The following NBPF20 variants were observed in gnomAD, a reference collection of about 807,000 sequenced individuals.
NBPF20 encodes NBPF member 20, also known as NBPF family member NBPF20.
In NBPF20, 90 loss-of-function variants were observed where a neutral mutation model predicts 68.1. That is an observed-to-expected ratio of 1.32 (90% CI 1.11 to 1.58). NBPF20 has a LOEUF of 1.58. NBPF20 is among the 40% of genes most tolerant of loss of function. The probability of loss-of-function intolerance (pLI) is 0.00; values close to 1 mark genes in which losing one functional copy is unlikely to be tolerated. For synonymous variants in NBPF20, 290 were observed against 228.1 expected (o/e 1.27, Z -2.45); for missense variants, 816 against 601.2 (o/e 1.36, Z -3.74).
chr1:145,400,443 G>C, exon 6 of NBPF20: 1 of 1,613,174 alleles, frequency 6.2e-7, no homozygotes, highest in Non-Finnish European at 8.5e-7. Context: ...GAGCCAATCA[G>C]AGTTGAGTCG....
intron 3 of NBPF20, 75 bp from the exon 9 acceptor site, chr1:145,402,456 C>A (rs1662568126): frequency 3.2e-6 from 5 of 1,547,274 alleles, no homozygotes; most frequent in Non-Finnish European, 4.5e-6. Flanking sequence ...ACAGAGATTT[C>A]TGAGATAATG....
rs1297004634 is a variant in NBPF20, at chr1:145,400,668, G to A, written c.567-74C>T. 5.8e-6 allele frequency: 9 copies of A among 1,545,290 alleles called. No individual in the cohort carries two copies. The African/African-American group carries it at 1.2e-4, about 21-fold the overall frequency. On this transcript the variant is annotated intron_variant, in intron 5 of 137. Transcript: ENST00000369373. Reference sequence around the variant, plus strand: ...ATTGGACCCCAGGGAGTCCTAGCTGGTTTTGACAGGCGGCATTAAGAGAGT... The same window carrying A: ...ATTGGACCCCAGGGAGTCCTAGCTGATTTTGACAGGCGGCATTAAGAGAGT...
chr1:145,393,963 T>C, intron 8 of NBPF20, 28 bp from the exon 14 acceptor site: 2 of 1,171,222 alleles, frequency 1.7e-6, no homozygotes, highest in Non-Finnish European at 2.5e-6. Flanking sequence ...TGGGCCCTCT[T>C]ACATTAAGCA....
rs1302412073 is a variant in NBPF20 at position 145,309,445 on chromosome 1, GACACAC to G, written c.13938-203_13938-198del. Among the ~76,000 whole-genome samples the G allele has an allele frequency of 8.8e-4, 39 of 44,396 alleles. 4 individuals are homozygous for G. The highest frequency in any genetic ancestry group is 2.1e-3 in the South Asian group (3 of 1,410). 29.1% of individuals were successfully genotyped at this position (44,396 alleles called of 152,430 possible). A position where few individuals can be genotyped will look rare whatever the true frequency, so the allele number is the denominator to read the frequency against. ...AAAGAATGAAAGAGAAAGACAGATA[GACACAC>G]ACACACACACACACACACACACACA... On this transcript the variant is annotated intron_variant, in intron 115 of 137. Coordinates refer to ENST00000369373, the Ensembl canonical transcript of NBPF20.
At chr1:145,405,389 T>C in intron 1 of NBPF20, 21 bp downstream of exon 6, 1 of 1,526,808 alleles carries the variant, frequency 6.5e-7, no homozygotes, top group East Asian at 2.3e-5. Context: ...GGGATGTCAG[T>C]AACTGAAATT....
intron 136 of NBPF20, 32 bp from the exon 142 acceptor site, chr1:145,292,521 T>A: frequency 1.4e-6 from 1 of 691,794 alleles, no homozygotes; most frequent in Non-Finnish European, 2.5e-6. Context: ...ACAGACACAT[T>A]AAGCTGATTC....
At chr1:145,306,418 A>T (rs1661413797) in intron 119 of NBPF20, among the ~76,000 whole-genome samples, 1 of 127,852 alleles carries the variant, frequency 7.8e-6, no homozygotes, top group African/African-American at 2.9e-5. Context: ...GCATACAGGG[A>T]TCATGAAAAG....
upstream of NBPF20, among the ~76,000 whole-genome samples, chr1:145,409,801 AT>A (rs1468843609): frequency 1.4e-4 from 21 of 151,964 alleles, no homozygotes; most frequent in African/African-American, 5.1e-4. Context: ...ATTTAGATGA[AT>A]GCACACTTCC....
At chr1:145,422,852 G>C in the NBPF20 span, among the ~76,000 whole-genome samples, 1 of 151,164 alleles carries the variant, frequency 6.6e-6, no homozygotes, top group Non-Finnish European at 1.5e-5. Flanking sequence ...AGCCAGGCAT[G>C]GTGGCACACT....
intron 6 of NBPF20, among the ~76,000 whole-genome samples, chr1:145,399,773 T>TCA (rs1662426207): frequency 1.3e-5 from 1 of 78,254 alleles, no homozygotes; most frequent in East Asian, 4.1e-4. Flanking sequence ...CAAGACTCCA[T>TCA]CACAAAAAAA....
At chr1:145,405,112 T>C (rs868990014) in exon 2 of NBPF20, 77 of 1,613,454 alleles carry the variant, frequency 4.8e-5, no homozygotes, top group East Asian at 1.6e-4. Flanking sequence ...TTTCTTCTGC[T>C]GGTTGGCCAG....
At chr1:145,393,852 C>T in intron 9 of NBPF20, 32 bp downstream of exon 14, 3 of 1,517,668 alleles carry the variant, frequency 2.0e-6, no homozygotes, top group Non-Finnish European at 2.7e-6. Context: ...GTGTCAACAT[C>T]AAATTAACTC....
intron 137 of NBPF20, among the ~76,000 whole-genome samples, 191 bp from the exon 143 acceptor site, chr1:145,291,960 AAGAC>A (rs1409964428): frequency 3.3e-5 from 5 of 150,862 alleles, no homozygotes; most frequent in Non-Finnish European, 5.9e-5. Context: ...ATGAAAGAGA[AAGAC>A]AGAGAGAGAG....
chr1:145,292,712 T>A (rs1400648310), intron 136 of NBPF20, among the ~76,000 whole-genome samples: 1 of 142,502 alleles, frequency 7.0e-6, no homozygotes, highest in Non-Finnish European at 1.5e-5. Context: ...TAGATCGTTA[T>A]CCCAATATCA....
chr1:145,298,381 C>A (rs1407717693), intron 129 of NBPF20, among the ~76,000 whole-genome samples: 1 of 144,116 alleles, frequency 6.9e-6, no homozygotes, highest in Non-Finnish European at 1.5e-5. Flanking sequence ...GACACACACA[C>A]ACACACAGAG....
intron 8 of NBPF20, 23 bp from the exon 14 acceptor site, chr1:145,393,958 C>T: frequency 2.4e-6 from 3 of 1,228,406 alleles, no homozygotes; most frequent in Non-Finnish European, 3.6e-6. Context: ...TCAGATGGGC[C>T]CTCTTACATT....
At chr1:145,290,604 AG>A in exon 138 of NBPF20, 1 of 150,742 alleles carries the variant, frequency 6.6e-6, no homozygotes, top group Non-Finnish European at 1.5e-5. Context: ...AAATAACTAA[AG>A]AAATGCAGCT....
chr1:145,405,009 G>A (rs1235360710), intron 2 of NBPF20, 89 bp downstream of exon 7: 4 of 1,577,558 alleles, frequency 2.5e-6, no homozygotes, highest in Non-Finnish European at 3.5e-6. Flanking sequence ...CAAGAAGGAT[G>A]AAATTATTTT....
chr1:145,291,964 CAGAG>C (rs1214346578), intron 137 of NBPF20, among the ~76,000 whole-genome samples, 195 bp from the exon 143 acceptor site: 1 of 150,134 alleles, frequency 6.7e-6, no homozygotes, highest in African/African-American at 2.5e-5. Flanking sequence ...AAGAGAAAGA[CAGAG>C]AGAGAGAGAC....
Sources: allele counts gnomAD v4.1 joint callset (sites outside exome capture counted in the v4.1 genomes callset), GRCh38; gene constraint gnomAD v4.1.1; transcripts MANE v1.5; gene names NCBI Gene and HGNC (gene_info 2026-07-23, HGNC 2026-07-21).